UNC5CL: variants seen among roughly 807,000 people sequenced by gnomAD.
UNC5CL encodes the protein unc-5 family C-terminal like, also known as UNC5C-like protein.
UNC5CL carries 42 observed loss-of-function variants against 54.1 expected under a neutral mutation model. That is an observed-to-expected ratio of 0.78 (90% CI 0.61 to 1.00). UNC5CL has a LOEUF of 1.00. Ranked by LOEUF, UNC5CL falls within the 50% of genes least tolerant of loss-of-function variation. The probability of loss-of-function intolerance (pLI) is 0.00; values close to 1 mark genes in which losing one functional copy is unlikely to be tolerated. For missense variants in UNC5CL, 619 were observed against 675.6 expected (o/e 0.92, Z 0.93); for synonymous variants, 285 against 285.1 (o/e 1.00, Z 0.00).
At chr6:41,031,929 C>T in intron 5 of UNC5CL, 107 bp downstream of exon 5, 1 of 1,285,272 alleles carries the variant, frequency 7.8e-7, no homozygotes. Context: ...GGTCTGTGTG[C>T]ATGGCTGCAT....
In UNC5CL at chr6:41,035,028, A is replaced by G. The variant is rs1762506729; in HGVS notation, c.47T>C (p.Leu16Pro). 1 of 1,598,804 alleles carries G rather than the reference A, an allele frequency of 6.3e-7. No homozygotes were observed. Among genetic ancestry groups the G allele is most frequent in the Non-Finnish European group, 8.6e-7 (1 of 1,168,716 alleles). Residue 16 changes from leucine to proline, a missense_variant, in exon 2 of 9, where the codon CTG becomes CCG. By Grantham distance (98) the Leu-to-Pro change is moderately conservative. Transcript: ENST00000244565. ...GACACTTGCCACTGGGACCCCCACC[A>G]GCAGTAGGAACTGGGAGGGTTGGAA... ...SSFQPSQFLL[L>P]VGVPVASVLL...
Position 41,033,789 on chromosome 6 carries a change from G to C in UNC5CL, c.686+92C>G, listed in dbSNP as rs1056714910. The C allele has an allele frequency of 3.6e-6, 5 of 1,384,634 alleles. No homozygotes were observed. In the Admixed American group the frequency reaches 6.2e-5, roughly 17 times the overall value. 85.8% of individuals were successfully genotyped at this position (1,384,634 alleles called of 1,614,324 possible). ...ATTTGCAGACCATCTTCTATACAGA[G>C]AGATGAAGATAAGGCAGACAGAGAA... On this transcript the variant is annotated intron_variant, in intron 3 of 8. Coordinates refer to ENST00000244565, the MANE Select transcript of UNC5CL (RefSeq NM_173561.3).
chr6:41,037,937 A>G (rs1010261548), intron 1 of UNC5CL, among the ~76,000 whole-genome samples: 2 of 152,234 alleles, frequency 1.3e-5, no homozygotes, highest in East Asian at 1.9e-4. Context: ...GGCTTGTCTC[A>G]TCTCATCCTC....
chr6:41,028,614 G>A lies in UNC5CL; in HGVS notation c.1335-19C>T, dbSNP rs1762416676. The A allele has an allele frequency of 6.2e-7, 1 of 1,608,958 alleles. No homozygotes were observed. Among genetic ancestry groups the A allele is most frequent in the South Asian group, 1.1e-5 (1 of 90,938 alleles). ...CAGGAACCTGGCCCGAGGTAGGGGAGGAAGAGAAGGGTGTAGGAGCAGGGA... is the reference window on the plus strand; with the variant it reads ...CAGGAACCTGGCCCGAGGTAGGGGAAGAAGAGAAGGGTGTAGGAGCAGGGA... On this transcript the variant is annotated intron_variant, in intron 8 of 8. Transcript: ENST00000244565. This position sits in a 1 kb window ranked among gnomAD's most constrained non-coding sequence, Gnocchi z 4.3.
chr6:41,037,252 T>C (rs1413611211), intron 1 of UNC5CL, among the ~76,000 whole-genome samples: 1 of 152,234 alleles, frequency 6.6e-6, no homozygotes, highest in Non-Finnish European at 1.5e-5. Flanking sequence ...GCACCGGCTG[T>C]GTATCGGACA....
At chr6:41,031,809 G>C in intron 5 of UNC5CL, 61 bp from the exon 6 acceptor site, 1 of 1,553,056 alleles carries the variant, frequency 6.4e-7, no homozygotes, top group Non-Finnish European at 8.9e-7. Context: ...GTAAGAGCAG[G>C]AGAAGGTAAG....
chr6:41,028,184 G>A lies in UNC5CL; in HGVS notation c.*189C>T. The A allele has an allele frequency of 1.6e-6, 1 of 632,284 alleles. No individual in the cohort carries two copies. The highest frequency in any genetic ancestry group is 2.7e-6 in the Non-Finnish European group (1 of 377,036). The allele number at this position is 632,284 out of a possible 1,614,324, so 39.2% of individuals were successfully genotyped here. A position where few individuals can be genotyped will look rare whatever the true frequency, so the allele number is the denominator to read the frequency against. ...CCGGCCAGGAGGGGACCCGCACGCG[G>A]GACAGCTCGCGGCCGGAAGGGCGCG... On this transcript the variant is annotated 3_prime_UTR_variant, in exon 9 of 9. Transcript: ENST00000244565. The surrounding 1 kb of genome is among the most constrained non-coding windows in gnomAD (Gnocchi z 4.3).
chr6:41,037,142 A>G (rs939140370), intron 1 of UNC5CL, among the ~76,000 whole-genome samples: 2 of 152,134 alleles, frequency 1.3e-5, no homozygotes, highest in Non-Finnish European at 2.9e-5. Context: ...GACAGCCTCC[A>G]GCTCGCGAAA....
At chr6:41,031,630 T>C in intron 6 of UNC5CL, 51 bp downstream of exon 6, 3 of 1,597,362 alleles carry the variant, frequency 1.9e-6, no homozygotes, top group Non-Finnish European at 2.6e-6. Context: ...CCACTTTGCC[T>C]AGGATTTCCC....
intron 6 of UNC5CL, 147 bp from the exon 7 acceptor site, chr6:41,030,902 C>G: frequency 1.5e-6 from 1 of 678,262 alleles, no homozygotes; most frequent in Non-Finnish European, 2.5e-6. Context: ...CCTGCTCCAC[C>G]CAGCACCCTC....
At position 41,028,935 on chromosome 6, in the gene UNC5CL, A is replaced by C. The variant is rs1762422447; in HGVS notation, c.1335-340T>G. 4.2e-5 allele frequency among the ~76,000 whole-genome samples: 5 copies of C among 120,178 alleles called. No individual in the cohort carries two copies. Among genetic ancestry groups the C allele is most frequent in the African/African-American group, 9.6e-5 (3 of 31,092 alleles). The allele number at this position is 120,178 out of a possible 152,430, so 78.8% of individuals were successfully genotyped here. A position where few individuals can be genotyped will look rare whatever the true frequency, so the allele number is the denominator to read the frequency against. Reference sequence around the variant, plus strand: ...CTTCTCTACCTCCCCCACTCCAAATACACCCCTAGCCTCCCCCTAGCCTCC... The same window carrying C: ...CTTCTCTACCTCCCCCACTCCAAATCCACCCCTAGCCTCCCCCTAGCCTCC... On this transcript the variant is annotated intron_variant, in intron 8 of 8. Transcript: ENST00000244565. This position sits in a 1 kb window ranked among gnomAD's most constrained non-coding sequence, Gnocchi z 4.3.
chr6:41,035,048 T>A lies in UNC5CL; in HGVS notation c.27A>T (p.Gln9His). 6.3e-7 allele frequency: 1 copy of A among 1,586,536 alleles called. No individual in the cohort carries two copies. The highest frequency in any genetic ancestry group is 8.6e-7 in the Non-Finnish European group (1 of 1,161,352). ...CCACCAGCAGTAGGAACTGGGAGGG[T>A]TGGAATGAACTCTCCTGGGGGCACA... MCPQESSF[Q>H]PSQFLLLVGV... Residue 9 changes from glutamine (Q) to histidine (H), a missense_variant, in exon 2 of 9, where the codon CAA becomes CAT. Transcript: ENST00000244565.
intron 8 of UNC5CL, among the ~76,000 whole-genome samples, chr6:41,030,093 TG>T (rs1762434888): frequency 4.6e-5 from 7 of 152,198 alleles, no homozygotes; most frequent in African/African-American, 1.7e-4. Flanking sequence ...TAATCTGTCT[TG>T]CTCCTCCTCA....
At chr6:41,038,949 G>T (rs1465676157) in intron 1 of UNC5CL, among the ~76,000 whole-genome samples, 2 of 152,162 alleles carry the variant, frequency 1.3e-5, no homozygotes, top group Non-Finnish European at 2.9e-5. Context: ...AATGGCATTT[G>T]TTAGTATAGT....
chr6:41,038,265 C>G (rs1448116986), intron 1 of UNC5CL, among the ~76,000 whole-genome samples: 1 of 152,152 alleles, frequency 6.6e-6, no homozygotes, highest in Non-Finnish European at 1.5e-5. Context: ...CTACACCACA[C>G]CCCCACCTAC....
rs1762506518 is a variant in UNC5CL at position 41,035,022 on chromosome 6, C to T, written c.53G>A (p.Gly18Glu). Residue 18 changes from glycine to glutamate, a missense_variant, in exon 2 of 9, where the codon GGG (glycine) becomes GAG (glutamate). By Grantham distance (98) the Gly-to-Glu change is moderately conservative (BLOSUM62 -2). Transcript: ENST00000244565. ...AAGGAGGACACTTGCCACTGGGACCCCCACCAGCAGTAGGAACTGGGAGGG... is the reference window on the plus strand; with the variant it reads ...AAGGAGGACACTTGCCACTGGGACCTCCACCAGCAGTAGGAACTGGGAGGG... ...FQPSQFLLLV[G>E]VPVASVLLLA... 6.3e-7 allele frequency: 1 copy of T among 1,599,800 alleles called. No individual in the cohort carries two copies. Among genetic ancestry groups the T allele is most frequent in the African/African-American group, 1.3e-5 (1 of 74,682 alleles).
intron 4 of UNC5CL, among the ~76,000 whole-genome samples, chr6:41,032,485 G>T (rs1029911777): frequency 6.6e-6 from 1 of 152,222 alleles, no homozygotes; most frequent in Non-Finnish European, 1.5e-5. Flanking sequence ...GGGGCCTGGT[G>T]TGGTGGCTCA....
intron 8 of UNC5CL, 148 bp downstream of exon 8, chr6:41,030,240 G>C: frequency 1.5e-6 from 1 of 681,050 alleles, no homozygotes; most frequent in South Asian, 1.8e-5. Context: ...TAATAGAGCT[G>C]CCCTTTTATG....
chr6:41,034,602 G>T (rs1346155077), intron 2 of UNC5CL, 88 bp downstream of exon 2: 4 of 1,451,620 alleles, frequency 2.8e-6, no homozygotes, highest in South Asian at 1.3e-5. Flanking sequence ...GAAGTAAAAG[G>T]TGTCTATGAA....
Sources: allele counts gnomAD v4.1 joint callset (sites outside exome capture counted in the v4.1 genomes callset), GRCh38; gene constraint gnomAD v4.1.1; non-coding constraint Gnocchi (gnomAD v3.1); transcripts MANE v1.5; gene names NCBI Gene and HGNC (gene_info 2026-07-23, HGNC 2026-07-21).